PLA2G4A: variants seen among roughly 807,000 people sequenced by gnomAD.
PLA2G4A encodes cytosolic phospholipase A2.
In PLA2G4A, 40 loss-of-function variants were observed where a neutral mutation model predicts 81.9. The observed-to-expected ratio is 0.49, with a 90% CI of 0.38 to 0.64. The LOEUF is 0.64. PLA2G4A is among the 30% of genes least tolerant of loss of function. PLA2G4A has a pLI of 0.00. For synonymous variants in PLA2G4A, 302 were observed against 296.9 expected, an observed-to-expected ratio of 1.02 and a Z score of -0.18; for missense variants, 715 against 905.1, an observed-to-expected ratio of 0.79 and a Z score of 2.69.
chr1:186,920,176 A>G (rs1213412737), intron 7 of PLA2G4A, among the ~76,000 whole-genome samples: 1 of 152,180 alleles, frequency 6.6e-6, no homozygotes, highest in Non-Finnish European at 1.5e-5. Context: ...GGGACTGACC[A>G]TAAGAGCCAT....
Position 186,965,314 on chromosome 1 carries a change from T to A in PLA2G4A, c.1580-95T>A, listed in dbSNP as rs1657092559. ...TCCAAAGCCTGAGGGCCTAATCATA[T>A]GAAATTCTTTCAAATTTGAAACCAA... On this transcript the variant is annotated intron_variant, in intron 14 of 17. Transcript: ENST00000367466. 6.3e-6 allele frequency: 6 copies of A among 945,548 alleles called. No individual in the cohort carries two copies. The South Asian group carries it at 8.4e-5, about 13-fold the overall frequency. 58.6% of individuals were successfully genotyped at this position (945,548 alleles called of 1,614,324 possible).
At chr1:186,854,606 A>C (rs929122646) in intron 2 of PLA2G4A, among the ~76,000 whole-genome samples, 3 of 151,988 alleles carry the variant, frequency 2.0e-5, no homozygotes, top group African/African-American at 7.2e-5. Flanking sequence ...GGAACTTGAA[A>C]GGAAAAAAAT....
At chr1:186,867,800 T>C (rs1458212060) in intron 2 of PLA2G4A, among the ~76,000 whole-genome samples, 1 of 152,196 alleles carries the variant, frequency 6.6e-6, no homozygotes, top group Non-Finnish European at 1.5e-5. Flanking sequence ...GCTTCCATTT[T>C]GTCATCATTA....
At chr1:186,882,462 T>A (rs778509013) in intron 3 of PLA2G4A, among the ~76,000 whole-genome samples, 10 of 152,112 alleles carry the variant, frequency 6.6e-5, no homozygotes, top group Non-Finnish European at 1.0e-4. Flanking sequence ...ACAGCAAAGA[T>A]CTGTTAGAAT....
rs567621048 is a variant in PLA2G4A at position 186,949,687 on chromosome 1, C to T, written c.1265-970C>T. On this transcript the variant is annotated intron_variant, in intron 12 of 17. Coordinates refer to ENST00000367466, the MANE Select transcript of PLA2G4A (RefSeq NM_024420.3). ...TTGCCTTAAGCATTTATTAACCCTT[C>T]CATTACTAACTCTTGCTCATTCACG... is the stretch of plus-strand genomic sequence containing the variant. Among the ~76,000 whole-genome samples, 4 of 152,110 alleles carry T rather than the reference C, an allele frequency of 2.6e-5. No homozygotes were observed. In the South Asian group the frequency reaches 6.2e-4, roughly 24 times the overall value.
At chr1:186,903,527 A>G (rs904744908) in intron 5 of PLA2G4A, among the ~76,000 whole-genome samples, 1 of 152,152 alleles carries the variant, frequency 6.6e-6, no homozygotes, top group Non-Finnish European at 1.5e-5. Context: ...CTTCATCTGT[A>G]TTTACAGTAG....
intron 3 of PLA2G4A, among the ~76,000 whole-genome samples, chr1:186,883,584 T>C (rs917495311): frequency 6.6e-6 from 1 of 152,110 alleles, no homozygotes; most frequent in Non-Finnish European, 1.5e-5. Context: ...TTTGAAGAAT[T>C]CTAATAAGAG....
chr1:186,944,840 T>C (rs1375691178), intron 10 of PLA2G4A, among the ~76,000 whole-genome samples: 3 of 152,168 alleles, frequency 2.0e-5, no homozygotes, highest in South Asian at 2.1e-4. Context: ...ATTTCTCCAA[T>C]AGGATATATA....
intron 3 of PLA2G4A, among the ~76,000 whole-genome samples, chr1:186,873,254 T>A (rs1653348569): frequency 6.6e-6 from 1 of 152,104 alleles, no homozygotes; most frequent in Non-Finnish European, 1.5e-5. Context: ...CTGAGAGGAA[T>A]TTTGATGATA....
At chr1:186,862,171 G>T (rs1396328644) in intron 2 of PLA2G4A, among the ~76,000 whole-genome samples, 3 of 149,676 alleles carry the variant, frequency 2.0e-5, no homozygotes, top group Non-Finnish European at 4.4e-5. Context: ...AAATATAAGA[G>T]ACTTTATTGT....
At chr1:186,972,499 G>A (rs1186147851) in intron 15 of PLA2G4A, among the ~76,000 whole-genome samples, 1 of 152,092 alleles carries the variant, frequency 6.6e-6, no homozygotes, top group Non-Finnish European at 1.5e-5. Context: ...GAATATAGAA[G>A]AATTCAGAGT....
intron 8 of PLA2G4A, among the ~76,000 whole-genome samples, chr1:186,936,787 T>C (rs1326097207): frequency 6.6e-6 from 1 of 151,910 alleles, no homozygotes; most frequent in East Asian, 1.9e-4. Context: ...TGCATATAGA[T>C]AAAAAGAATG....
At chr1:186,918,215 G>T (rs1233256150) in intron 7 of PLA2G4A, among the ~76,000 whole-genome samples, 1 of 152,168 alleles carries the variant, frequency 6.6e-6, no homozygotes. Context: ...TCTGAATCAG[G>T]TCGAGAGTTT....
At chr1:186,877,382 T>C (rs1571357655) in intron 3 of PLA2G4A, among the ~76,000 whole-genome samples, 1 of 152,050 alleles carries the variant, frequency 6.6e-6, no homozygotes, top group African/African-American at 2.4e-5. Context: ...TGAAAAGACA[T>C]CTATTTCTTC....
Position 186,988,551 on chromosome 1 carries a change from T to C in PLA2G4A, c.*43T>C. The C allele has an allele frequency of 6.3e-7, 1 of 1,581,696 alleles. No individual in the cohort carries two copies. Among genetic ancestry groups the C allele is most frequent in the South Asian group, 1.1e-5 (1 of 90,010 alleles). On this transcript the variant is annotated 3_prime_UTR_variant, in exon 18 of 18. Transcript: ENST00000367466. ...GCAGCAGTTTCTGATGCTGAGGCAG[T>C]TTGCAATCCCATGACAACTGGATTT...
At position 186,828,973 on chromosome 1, in the gene PLA2G4A, T is replaced by C. The variant is rs1651454490; in HGVS notation, c.-132T>C. 1 of 152,082 alleles carries C rather than the reference T, an allele frequency of 6.6e-6. No individual in the cohort carries two copies. Among genetic ancestry groups the C allele is most frequent in the Non-Finnish European group, 1.5e-5 (1 of 68,014 alleles). 9.4% of individuals were successfully genotyped at this position (152,082 alleles called of 1,614,324 possible). A position where few individuals can be genotyped will look rare whatever the true frequency, so the allele number is the denominator to read the frequency against. Reference sequence around the variant, plus strand: ...TACTCAGGATAAGACTTTCTCTAAGTCCGGAGCTGAAAAAGGATCCTGACT... The same window carrying C: ...TACTCAGGATAAGACTTTCTCTAAGCCCGGAGCTGAAAAAGGATCCTGACT... On this transcript the variant is annotated 5_prime_UTR_variant, in exon 1 of 18. Coordinates refer to ENST00000367466, the MANE Select transcript of PLA2G4A (RefSeq NM_024420.3).
rs778698417 is a variant in PLA2G4A at position 186,894,078 on chromosome 1, C to T, written c.265-20C>T. ...ATCCATGGGAAATTTTATTTTTGTG[C>T]TTTACATTTTACTCTGTAGATTACG... On this transcript the variant is annotated intron_variant, in intron 4 of 17. Transcript: ENST00000367466. 7 of 921,024 alleles carry T rather than the reference C, an allele frequency of 7.6e-6. No homozygotes were observed. Among genetic ancestry groups the T allele is most frequent in the Non-Finnish European group, 1.3e-5 (7 of 546,998 alleles). 57.1% of individuals were successfully genotyped at this position (921,024 alleles called of 1,614,324 possible). A position where few individuals can be genotyped will look rare whatever the true frequency, so the allele number is the denominator to read the frequency against.
chr1:186,913,827 C>A (rs547454156), intron 7 of PLA2G4A, among the ~76,000 whole-genome samples: 2 of 152,202 alleles, frequency 1.3e-5, no homozygotes, highest in East Asian at 3.9e-4. Context: ...GGAAATGAGA[C>A]ATAAATTCTG....
At chr1:186,943,938 A>G (rs1656248729) in intron 10 of PLA2G4A, among the ~76,000 whole-genome samples, 1 of 152,200 alleles carries the variant, frequency 6.6e-6, no homozygotes, top group Non-Finnish European at 1.5e-5. Context: ...TTGGTGACCA[A>G]TAAAAACAGA....
Sources: allele counts gnomAD v4.1 joint callset (sites outside exome capture counted in the v4.1 genomes callset), GRCh38; gene constraint gnomAD v4.1.1; transcripts MANE v1.5; gene names NCBI Gene and HGNC (gene_info 2026-07-23, HGNC 2026-07-21).